Variants in ANO4 observed in about 807,000 individuals in gnomAD.
The protein encoded by ANO4 is anoctamin 4.
In ANO4, 69 loss-of-function variants were observed where a neutral mutation model predicts 141.9. The observed-to-expected ratio is 0.49, with a 90% CI of 0.40 to 0.59. ANO4 has a LOEUF of 0.59. Among genes scored for constraint, ANO4 ranks in the 20% least tolerant of loss-of-function variants. ANO4 has a pLI of 0.00. For synonymous variants in ANO4, 350 were observed against 394.3 expected, an observed-to-expected ratio of 0.89 and a Z score of 1.33; for missense variants, 894 against 1,162.2, an observed-to-expected ratio of 0.77 and a Z score of 3.36.
intron 2 of ANO4, among the ~76,000 whole-genome samples, chr12:100,739,613 G>T (rs371534628): frequency 6.6e-6 from 1 of 151,982 alleles, no homozygotes; most frequent in Non-Finnish European, 1.5e-5. Context: ...TTCCTTTATT[G>T]ATTGGACTCT....
intron 1 of ANO4, among the ~76,000 whole-genome samples, chr12:100,853,075 T>C (rs2037965839): frequency 6.6e-6 from 1 of 152,230 alleles, no homozygotes. Context: ...TACAACTTTC[T>C]AACCATTTGA....
chr12:101,024,467 T>C (rs2046653131), intron 9 of ANO4, among the ~76,000 whole-genome samples: 2 of 151,922 alleles, frequency 1.3e-5, no homozygotes, highest in Non-Finnish European at 2.9e-5. Flanking sequence ...ATGGTGGCAC[T>C]CACCTGTAAT....
chr12:101,090,960 C>T (rs781535334), intron 17 of ANO4, among the ~76,000 whole-genome samples: 6 of 152,096 alleles, frequency 3.9e-5, no homozygotes, highest in African/African-American at 7.2e-5. Context: ...GGCAAAAGTA[C>T]GTAGTTGCTG....
chr12:100,752,338 C>T (rs1411129167), intron 3 of ANO4, among the ~76,000 whole-genome samples: 1 of 152,170 alleles, frequency 6.6e-6, no homozygotes, highest in East Asian at 1.9e-4. Context: ...ACTACTACTA[C>T]TTCTCCATCC....
At chr12:100,827,363 A>T (rs2036406537) in intron 1 of ANO4, among the ~76,000 whole-genome samples, 1 of 152,184 alleles carries the variant, frequency 6.6e-6, no homozygotes, top group Admixed American at 6.6e-5. Flanking sequence ...TTATTTAAAA[A>T]TATCTTTTTC....
chr12:101,101,079 A>G (rs1376847957), intron 22 of ANO4, among the ~76,000 whole-genome samples: 2 of 152,230 alleles, frequency 1.3e-5, no homozygotes, highest in Non-Finnish European at 2.9e-5. Context: ...TGTGTCAGAA[A>G]GTGGCTGGTC....
intron 1 of ANO4, among the ~76,000 whole-genome samples, chr12:100,858,005 A>T (rs1347253844): frequency 1.3e-5 from 2 of 152,190 alleles, no homozygotes; most frequent in African/African-American, 4.8e-5. Flanking sequence ...ATGAAAACAT[A>T]ATTTCTATCA....
intron 15 of ANO4, among the ~76,000 whole-genome samples, chr12:101,083,276 A>G (rs2049355754): frequency 6.6e-6 from 1 of 152,202 alleles, no homozygotes; most frequent in African/African-American, 2.4e-5. Context: ...TCCTGTAGAG[A>G]AGCCTTCTTT....
chr12:100,725,820 A>G (rs1157575586), intron 1 of ANO4, among the ~76,000 whole-genome samples: 1 of 152,224 alleles, frequency 6.6e-6, no homozygotes, highest in African/African-American at 2.4e-5. Context: ...AGTAAATGCT[A>G]CTTACTTCTT....
chr12:100,922,845 C>A (rs149591531), intron 3 of ANO4, among the ~76,000 whole-genome samples: 32 of 152,254 alleles, frequency 2.1e-4, no homozygotes, highest in Admixed American at 1.2e-3. Flanking sequence ...AAGGTTTGCT[C>A]TTCTTCGAGT....
intron 14 of ANO4, among the ~76,000 whole-genome samples, chr12:101,053,835 T>C (rs986480757): frequency 6.6e-6 from 1 of 152,218 alleles, no homozygotes; most frequent in African/African-American, 2.4e-5. Flanking sequence ...GAGCTACTTA[T>C]CACAGACCAC....
chr12:101,125,446 G>C (rs1326581109), intron 26 of ANO4, among the ~76,000 whole-genome samples: 4 of 152,116 alleles, frequency 2.6e-5, no homozygotes, highest in Non-Finnish European at 5.9e-5. Context: ...CTTCCTATTT[G>C]AATACCCTTT....
chr12:100,848,777 C>T (rs1039362346), intron 1 of ANO4, among the ~76,000 whole-genome samples: 2 of 152,112 alleles, frequency 1.3e-5, no homozygotes, highest in African/African-American at 4.8e-5. Flanking sequence ...CATGTTTTGC[C>T]CCCTCCATGT....
At chr12:101,051,665 A>G (rs1020102543) in intron 14 of ANO4, among the ~76,000 whole-genome samples, 3 of 152,232 alleles carry the variant, frequency 2.0e-5, no homozygotes, top group Admixed American at 2.0e-4. Flanking sequence ...TAATCTCTCC[A>G]GCAAGCTTTT....
intron 3 of ANO4, among the ~76,000 whole-genome samples, chr12:100,742,738 CACTA>C (rs2031925917): frequency 6.6e-6 from 1 of 152,282 alleles, no homozygotes; most frequent in Non-Finnish European, 1.5e-5. Context: ...AATAGCAGAA[CACTA>C]ACTAAATGAC....
At chr12:101,045,562 G>A (rs1335528985) in intron 13 of ANO4, among the ~76,000 whole-genome samples, 3 of 152,178 alleles carry the variant, frequency 2.0e-5, no homozygotes, top group Non-Finnish European at 4.4e-5. Context: ...TCAGATTGGC[G>A]CTGGGATCTA....
intron 5 of ANO4, among the ~76,000 whole-genome samples, chr12:100,944,481 A>G (rs1200524067): frequency 6.6e-6 from 1 of 152,172 alleles, no homozygotes; most frequent in Non-Finnish European, 1.5e-5. Context: ...AACTTATCTA[A>G]GCATTTCCCC....
chr12:100,976,504 C>T (rs1028340720), intron 7 of ANO4, among the ~76,000 whole-genome samples: 2 of 152,174 alleles, frequency 1.3e-5, no homozygotes, highest in South Asian at 2.1e-4. Flanking sequence ...ACAGTTTAGC[C>T]TATATTAATA....
At chr12:100,869,199 A>G (rs575381280) in intron 1 of ANO4, among the ~76,000 whole-genome samples, 1 of 152,316 alleles carries the variant, frequency 6.6e-6, no homozygotes, top group East Asian at 1.9e-4. Context: ...CATTGATCCA[A>G]TGCCTTTCGA....
Sources: gnomAD v4.1 joint callset for allele counts (sites outside exome capture counted in the v4.1 genomes callset) on GRCh38, gnomAD v4.1.1 for gene constraint, MANE v1.5 for transcripts, NCBI Gene and HGNC (gene_info 2026-07-23, HGNC 2026-07-21) for gene names.